The following CROCC variants were observed in gnomAD, a reference collection of about 807,000 sequenced individuals.
CROCC encodes rootletin.
A neutral mutation model predicts 245.2 loss-of-function variants in CROCC; 180 were observed. The ratio of observed to expected loss-of-function variants is 0.73; its 90% CI spans 0.65 to 0.83. The LOEUF (loss-of-function observed/expected upper bound fraction) is 0.83, where lower values mean the gene tolerates loss of function less well. Among genes scored for constraint, CROCC ranks in the 40% least tolerant of loss-of-function variants. The pLI, the probability that CROCC is intolerant of heterozygous loss-of-function variation, is 0.00. For missense variants in CROCC, 2,688 were observed against 2,779.4 expected (o/e 0.97, Z 0.74); for synonymous variants, 1,205 against 1,241.6 (o/e 0.97, Z 0.62).
intron 34 of CROCC, 77 bp from the exon 35 acceptor site, chr1:16,970,559 C>G: frequency 1.4e-6 from 2 of 1,474,846 alleles, no homozygotes; most frequent in South Asian, 2.8e-5. Context: ...TTAGGTTATT[C>G]CATCAGGGTT....
Position 16,956,077 on chromosome 1 carries a change from G to A in CROCC, c.3785G>A (p.Gly1262Glu). The change falls in exon 25 of 37, where the codon GGG (glycine) becomes GAG (glutamate). Residue 1262 changes from glycine (G) to glutamate (E), a missense_variant. Around this residue, in one of 9 missense-constraint regions of CROCC, gnomAD observed 1,218 missense variants for 1,286.3 expected, o/e 0.95. Transcript: ENST00000375541. Reference protein sequence around the residue: ...EARTAVGKEAGELRTGLQEVE... With the variant: ...EARTAVGKEAEELRTGLQEVE... ...CGGACAGCTGTGGGCAAGGAGGCCG[G>A]GGAGCTGCGAACTGGGCTGCAGGAG... 1 of 1,551,114 alleles carries A rather than the reference G, an allele frequency of 6.4e-7. No individual in the cohort carries two copies. The highest frequency in any genetic ancestry group is 1.2e-5 in the South Asian group (1 of 84,054).
rs768510950 is a variant in CROCC at position 16,965,840 on chromosome 1, G to C, written c.4523G>C (p.Arg1508Pro). ...CCAGACCTGGACCCGGAGGCAGTGC[G>C]CGGGGCCCTCCGGGAATTCCTGCAA... Reference protein sequence around the residue: ...ASPDLDPEAVRGALREFLQEL... With the variant: ...ASPDLDPEAVPGALREFLQEL... Residue 1508 changes from arginine to proline, a missense_variant, in exon 28 of 37, where the codon CGC becomes CCC. Transcript: ENST00000375541. 1 of 1,613,588 alleles carries C rather than the reference G, an allele frequency of 6.2e-7. No individual in the cohort carries two copies. The highest frequency in any genetic ancestry group is 8.5e-7 in the Non-Finnish European group (1 of 1,180,042).
At position 16,946,241 on chromosome 1, in the gene CROCC, C is replaced by T. The variant is rs577296426; in HGVS notation, c.2137-18C>T. The T allele has an allele frequency of 4.2e-5, 67 of 1,606,386 alleles. No homozygotes were observed. Among genetic ancestry groups the T allele is most frequent in the Middle Eastern group, 1.7e-4 (1 of 6,030 alleles). On this transcript the variant is annotated intron_variant, in intron 15 of 36. Transcript: ENST00000375541. ...GACCTTTCTGCCTTTCCTCATTTCT[C>T]GGGGCCTGACCCTGCAGGCTGAGGC...
chr1:16,942,219 C>G (rs968982736), intron 13 of CROCC, among the ~76,000 whole-genome samples: 1 of 152,256 alleles, frequency 6.6e-6, no homozygotes, highest in Non-Finnish European at 1.5e-5. Flanking sequence ...CCATGTTGCC[C>G]AGGCTGATCT....
At chr1:16,930,875 G>A (rs144042336) in intron 7 of CROCC, among the ~76,000 whole-genome samples, 4,700 of 151,554 alleles carry the variant, frequency 0.031, 8 homozygotes, top group Non-Finnish European at 0.046. Context: ...AGTGGCTCAC[G>A]CCTGTAATCC....
At chr1:16,938,582 G>A in intron 11 of CROCC, 99 bp downstream of exon 11, 1 of 1,158,266 alleles carries the variant, frequency 8.6e-7, no homozygotes, top group Non-Finnish European at 1.2e-6. Context: ...GCAAATGGGT[G>A]GGGGCCTGGG....
rs1285307280 is a variant in CROCC, at chr1:16,938,910, C to T, written c.1376C>T (p.Ala459Val). ...LQQTLRDLAQ[A>V]VLSDSESGVQ... ...TCTGCCTCCCTCCCCCACCCTCAGG[C>T]CGTCTTGTCAGACTCTGAGAGCGGC... is the stretch of plus-strand genomic sequence containing the variant. The change falls in exon 12 of 37, where the codon GCC becomes GTC. Residue 459 changes from alanine (A) to valine (V), a missense_variant and splice_region_variant. Around this residue, in one of 9 missense-constraint regions of CROCC, gnomAD observed 972 missense variants for 895.3 expected, o/e 1.09. Transcript: ENST00000375541. The T allele has an allele frequency of 6.2e-7, 1 of 1,604,004 alleles. No individual in the cohort carries two copies.
chr1:16,951,956 A>G (rs1476453516), intron 20 of CROCC: 3 of 80,918 alleles, frequency 3.7e-5, no homozygotes, highest in South Asian at 7.5e-4. Flanking sequence ...CAGTGGCGCA[A>G]TCTCGGCTCA....
intron 14 of CROCC, among the ~76,000 whole-genome samples, chr1:16,944,710 A>G (rs1279598881): frequency 1.3e-5 from 2 of 152,262 alleles, no homozygotes; most frequent in African/African-American, 4.8e-5. Flanking sequence ...AAACTGAGGC[A>G]CAGAGAAGCC....
intron 1 of CROCC, among the ~76,000 whole-genome samples, chr1:16,914,556 C>T (rs1158211899): frequency 2.0e-5 from 3 of 152,286 alleles, no homozygotes; most frequent in African/African-American, 7.2e-5. Flanking sequence ...GTCTTCATTG[C>T]AGCCCTGCCG....
intron 8 of CROCC, among the ~76,000 whole-genome samples, chr1:16,933,058 G>C (rs1339309959): frequency 6.6e-6 from 1 of 152,230 alleles, no homozygotes; most frequent in African/African-American, 2.4e-5. Context: ...TGATCCTCCT[G>C]CCTTGACCTC....
At chr1:16,957,014 A>C (rs1298965786) in intron 25 of CROCC, among the ~76,000 whole-genome samples, 1 of 152,206 alleles carries the variant, frequency 6.6e-6, no homozygotes, top group Non-Finnish European at 1.5e-5. Context: ...GCTCACACCT[A>C]TAATCTCAGC....
chr1:16,952,913 A>T (rs980402906), intron 20 of CROCC, among the ~76,000 whole-genome samples: 2 of 151,896 alleles, frequency 1.3e-5, no homozygotes, highest in Non-Finnish European at 2.9e-5. Context: ...CATGGCCCAC[A>T]CGGCCTGTCC....
chr1:16,970,526 A>G, intron 34 of CROCC, 73 bp downstream of exon 34: 3 of 1,483,202 alleles, frequency 2.0e-6, no homozygotes, highest in Non-Finnish European at 1.8e-6. Flanking sequence ...GCACATCCCC[A>G]GGGTCTGCTA....
chr1:16,971,447 C>G lies in CROCC; in HGVS notation c.5785-18C>G. On this transcript the variant is annotated intron_variant, in intron 35 of 36. Transcript: ENST00000375541. ...ACTCACACTGGGCCAGAACGCGGACCACAGCCCCTCCCTGCAGGCGCAGGT... is the reference window on the plus strand; with the variant it reads ...ACTCACACTGGGCCAGAACGCGGACGACAGCCCCTCCCTGCAGGCGCAGGT... The G allele has an allele frequency of 4.6e-6, 7 of 1,528,432 alleles. No homozygotes were observed. Among genetic ancestry groups the G allele is most frequent in the Non-Finnish European group, 6.1e-6 (7 of 1,141,476 alleles). The allele number at this position is 1,528,432 out of a possible 1,614,324, so 94.7% of individuals were successfully genotyped here.
In CROCC at chr1:16,969,096, T is replaced by C; in HGVS notation, c.5077-20T>C. The C allele has an allele frequency of 6.3e-7, 1 of 1,580,982 alleles. No homozygotes were observed. Among genetic ancestry groups the C allele is most frequent in the Non-Finnish European group, 8.6e-7 (1 of 1,163,504 alleles). Reference sequence around the variant, plus strand: ...GCCAGATGGGAACAGCCCCGATTGTTCTGGCTGTCCTCCTGCCAGGTGGCC... The same window carrying C: ...GCCAGATGGGAACAGCCCCGATTGTCCTGGCTGTCCTCCTGCCAGGTGGCC... On this transcript the variant is annotated intron_variant, in intron 31 of 36. Transcript: ENST00000375541.
At chr1:16,940,854 C>A in intron 13 of CROCC, 1 of 403,874 alleles carries the variant, frequency 2.5e-6, no homozygotes, top group Non-Finnish European at 5.0e-6. Flanking sequence ...TACCTCCCAA[C>A]TGCCCCTAGT....
At position 16,969,346 on chromosome 1, in the gene CROCC, G is replaced by C; in HGVS notation, c.5301+6G>C. 7 of 1,607,156 alleles carry C rather than the reference G, an allele frequency of 4.4e-6. No individual in the cohort carries two copies. Among genetic ancestry groups the C allele is most frequent in the Admixed American group, 1.7e-5 (1 of 59,392 alleles). On this transcript the variant is annotated splice_donor_region_variant and intron_variant, in intron 32 of 36. Transcript: ENST00000375541. ...ATGACCGCCAAGTACTCCAGGTCTC[G>C]GGCCCAGGGTCTGGCTGGGGTGGGC...
In CROCC at chr1:16,955,510, C is replaced by T; in HGVS notation, c.3664C>T (p.Leu1222Phe). 1 of 1,571,946 alleles carries T rather than the reference C, an allele frequency of 6.4e-7. No homozygotes were observed. Among genetic ancestry groups the T allele is most frequent in the South Asian group, 1.2e-5 (1 of 85,246 alleles). ...GGCCCTGCGGCGTTCCAATGAGGAG[C>T]TTCGGTCTGCTGTGAAGAAGGCAGA... Reference protein sequence around the residue: ...REALRRSNEELRSAVKKAESE... With the variant: ...REALRRSNEEFRSAVKKAESE... The change falls in exon 24 of 37, where the codon CTT becomes TTT. Residue 1222 changes from leucine to phenylalanine, a missense_variant. By Grantham distance (22) the Leu-to-Phe change is conservative. This residue lies in a region of CROCC where 1,218 missense variants were observed against 1,286.3 expected (regional missense o/e 0.95). Coordinates refer to ENST00000375541, the MANE Select transcript of CROCC (RefSeq NM_014675.5).
Sources: allele counts gnomAD v4.1 joint callset (sites outside exome capture counted in the v4.1 genomes callset), GRCh38; gene constraint gnomAD v4.1.1; regional missense constraint gnomAD v4.1.1; transcripts MANE v1.5; gene names NCBI Gene and HGNC (gene_info 2026-07-23, HGNC 2026-07-21).